The following SOX5 variants were observed in gnomAD, a reference collection of about 807,000 sequenced individuals.
SOX5 encodes SRY-box transcription factor 5, also known as transcription factor SOX-5.
In SOX5, 9 loss-of-function variants were observed where a neutral mutation model predicts 92.0. The observed-to-expected ratio is 0.10, with a 90% confidence interval of 0.06 to 0.17. SOX5 has a LOEUF of 0.17. Ranked by LOEUF, SOX5 falls within the 10% of genes least tolerant of loss-of-function variation. The probability of loss-of-function intolerance (pLI) is 1.00; values close to 1 mark genes in which losing one functional copy is unlikely to be tolerated. For synonymous variants in SOX5, 344 were observed against 336.3 expected, an observed-to-expected ratio of 1.02 and a Z score of -0.25; for missense variants, 642 against 944.5, an observed-to-expected ratio of 0.68 and a Z score of 4.20.
At chr12:24,433,230 T>C (rs943046342) in intron 1 of SOX5, among the ~76,000 whole-genome samples, 1 of 152,240 alleles carries the variant, frequency 6.6e-6, no homozygotes, top group Admixed American at 6.5e-5. Context: ...AGTTAAAATG[T>C]TTATATCTTT....
At chr12:24,330,055 AC>A (rs1565918448) in intron 2 of SOX5, among the ~76,000 whole-genome samples, 1 of 152,084 alleles carries the variant, frequency 6.6e-6, no homozygotes, top group Non-Finnish European at 1.5e-5. Context: ...AAAATTAAAA[AC>A]CTAAAAGTAT....
chr12:23,609,324 T>C (rs532864500), intron 8 of SOX5, among the ~76,000 whole-genome samples: 106 of 152,322 alleles, frequency 7.0e-4, no homozygotes, highest in African/African-American at 2.5e-3. Context: ...AGCCACTGAC[T>C]GTTTGAGAGC....
chr12:24,091,587 A>T (rs1347513979), intron 4 of SOX5, among the ~76,000 whole-genome samples: 9 of 151,788 alleles, frequency 5.9e-5, no homozygotes, highest in Non-Finnish European at 1.3e-4. Context: ...ACACCACCAC[A>T]CCCAGCTAGT....
chr12:24,291,790 T>G (rs1261549586), intron 2 of SOX5, among the ~76,000 whole-genome samples: 1 of 152,202 alleles, frequency 6.6e-6, no homozygotes, highest in Non-Finnish European at 1.5e-5. Flanking sequence ...ATATTCCTGA[T>G]TGACCAGACT....
chr12:24,418,914 T>C (rs1320007740), intron 1 of SOX5, among the ~76,000 whole-genome samples: 1 of 152,162 alleles, frequency 6.6e-6, no homozygotes, highest in African/African-American at 2.4e-5. Context: ...TCCAGGTTGA[T>C]CCATTTCAGA....
At chr12:24,542,623 TCC>T (rs1952244199) in intron 1 of SOX5, among the ~76,000 whole-genome samples, 1 of 152,190 alleles carries the variant, frequency 6.6e-6, no homozygotes, top group Non-Finnish European at 1.5e-5. Context: ...GTCTGCTTCA[TCC>T]CAAGTCTGCT....
intron 4 of SOX5, among the ~76,000 whole-genome samples, chr12:24,171,699 T>A (rs1184297289): frequency 6.6e-6 from 1 of 151,940 alleles, no homozygotes; most frequent in African/African-American, 2.4e-5. Flanking sequence ...GAGAAGCATA[T>A]AAAGAAGGGA....
At position 24,310,131 on chromosome 12, in the gene SOX5, T is replaced by C. The variant is rs554540944; in HGVS notation, c.-173-32819A>G. Among the ~76,000 whole-genome samples the C allele has an allele frequency of 8.6e-4, 131 of 152,308 alleles. No homozygotes were observed. The South Asian group carries it at 0.025, about 29-fold the overall frequency. On this transcript the variant is annotated intron_variant, in intron 2 of 4. Transcript: ENST00000446891. ...ATATTGCTAAAAAAATGGATTTACA[T>C]GTCGTAAATAGTTTTAATTTACTAA...
At chr12:24,481,167 C>T (rs1945947003) in intron 1 of SOX5, among the ~76,000 whole-genome samples, 2 of 152,088 alleles carry the variant, frequency 1.3e-5, no homozygotes, top group Admixed American at 1.3e-4. Context: ...GAAAGAAAAA[C>T]ATTGCATATT....
chr12:24,430,211 A>G (rs1938020515), intron 1 of SOX5, among the ~76,000 whole-genome samples: 1 of 152,268 alleles, frequency 6.6e-6, no homozygotes, highest in African/African-American at 2.4e-5. Flanking sequence ...AGATGCCAAA[A>G]TCATCAAATC....
intron 2 of SOX5, among the ~76,000 whole-genome samples, chr12:24,278,003 G>T (rs1944692598): frequency 6.6e-6 from 1 of 152,080 alleles, no homozygotes; most frequent in Non-Finnish European, 1.5e-5. Context: ...TTCCTAGGCT[G>T]AACAAAAATC....
At chr12:24,254,626 T>A (rs1402507810) in intron 3 of SOX5, among the ~76,000 whole-genome samples, 1 of 151,940 alleles carries the variant, frequency 6.6e-6, no homozygotes, top group Non-Finnish European at 1.5e-5. Flanking sequence ...TTCCATTGAA[T>A]ATGTATCACT....
At chr12:23,721,584 A>G (rs921639717) in intron 6 of SOX5, among the ~76,000 whole-genome samples, 1 of 152,172 alleles carries the variant, frequency 6.6e-6, no homozygotes, top group South Asian at 2.1e-4. Context: ...GAGGACCTGT[A>G]ACAGTTCGCA....
intron 4 of SOX5, among the ~76,000 whole-genome samples, chr12:24,001,232 A>C (rs1951581611): frequency 1.3e-5 from 2 of 152,086 alleles, no homozygotes; most frequent in African/African-American, 4.8e-5. Context: ...CTGGGACCAC[A>C]GGTGCACATC....
intron 1 of SOX5, among the ~76,000 whole-genome samples, chr12:24,474,660 C>A (rs7316555): frequency 6.6e-6 from 1 of 151,188 alleles, no homozygotes; most frequent in East Asian, 1.9e-4. Context: ...CTCAGTCTCC[C>A]GGGTAGCTGG....
chr12:24,321,825 G>A (rs1022625870), intron 2 of SOX5, among the ~76,000 whole-genome samples: 4 of 152,122 alleles, frequency 2.6e-5, no homozygotes, highest in African/African-American at 7.2e-5. Context: ...AAATTAAGCG[G>A]GGGAAAAGTT....
intron 2 of SOX5, among the ~76,000 whole-genome samples, chr12:24,315,447 G>C (rs1274476089): frequency 6.6e-6 from 1 of 152,114 alleles, no homozygotes; most frequent in Non-Finnish European, 1.5e-5. Flanking sequence ...TCAATGCCTT[G>C]AATGTTAGTA....
At chr12:24,001,294 G>A (rs966809381) in intron 4 of SOX5, among the ~76,000 whole-genome samples, 5 of 152,022 alleles carry the variant, frequency 3.3e-5, no homozygotes, top group African/African-American at 1.2e-4. Context: ...GTCTCACTAT[G>A]TTGGCCAGGC....
chr12:24,370,403 G>C (rs1206281474), intron 1 of SOX5, among the ~76,000 whole-genome samples: 1 of 150,594 alleles, frequency 6.6e-6, no homozygotes, highest in African/African-American at 2.4e-5. Flanking sequence ...TGTGAACCCA[G>C]GGGGCGGAGC....
Sources: gnomAD v4.1 joint callset for allele counts (sites outside exome capture counted in the v4.1 genomes callset) on GRCh38, gnomAD v4.1.1 for gene constraint, MANE v1.5 for transcripts, NCBI Gene and HGNC (gene_info 2026-07-23, HGNC 2026-07-21) for gene names.